The following NEGR1 variants were observed in gnomAD, a reference collection of about 807,000 sequenced individuals.
The protein encoded by NEGR1 is neuronal growth regulator 1.
Under a neutral mutation model 40.9 loss-of-function variants are expected in NEGR1, and 10 were observed. The ratio of observed to expected loss-of-function variants is 0.24; its 90% CI spans 0.15 to 0.42. The LOEUF (loss-of-function observed/expected upper bound fraction) is 0.42. Ranked by LOEUF, NEGR1 falls within the 10% of genes least tolerant of loss-of-function variation. The pLI is 1.00. For synonymous variants in NEGR1, 185 were observed against 166.8 expected (o/e 1.11, Z -0.84); for missense variants, 352 against 438.9 (o/e 0.80, Z 1.77).
At chr1:71,775,664 T>C (rs1263107864) in intron 3 of NEGR1, among the ~76,000 whole-genome samples, 1 of 150,786 alleles carries the variant, frequency 6.6e-6, no homozygotes, top group Non-Finnish European at 1.5e-5. Context: ...TTTTATGAAC[T>C]GCAATGCCTT....
chr1:72,123,310 T>C (rs886405966), intron 1 of NEGR1, among the ~76,000 whole-genome samples: 1 of 151,872 alleles, frequency 6.6e-6, no homozygotes, highest in Admixed American at 6.6e-5. Flanking sequence ...TGACATTGTA[T>C]TAGTATAATT....
At chr1:71,851,469 A>G (rs1213947134) in intron 2 of NEGR1, among the ~76,000 whole-genome samples, 1 of 152,188 alleles carries the variant, frequency 6.6e-6, no homozygotes, top group African/African-American at 2.4e-5. Context: ...GCATAGCACA[A>G]TCGTTGTATT....
chr1:71,661,254 T>A (rs1408251644), intron 4 of NEGR1, among the ~76,000 whole-genome samples: 1 of 152,224 alleles, frequency 6.6e-6, no homozygotes, highest in African/African-American at 2.4e-5. Context: ...TTTCTAGTTC[T>A]AAATCCCTGA....
chr1:72,255,889 T>A (rs952891873), intron 1 of NEGR1, among the ~76,000 whole-genome samples: 3 of 152,164 alleles, frequency 2.0e-5, no homozygotes, highest in Non-Finnish European at 4.4e-5. Flanking sequence ...TACATGGAAA[T>A]GTAGAAAACA....
At chr1:72,240,866 A>T (rs1243171056) in intron 1 of NEGR1, among the ~76,000 whole-genome samples, 1 of 151,788 alleles carries the variant, frequency 6.6e-6, no homozygotes, top group Non-Finnish European at 1.5e-5. Context: ...ATAAATCTGT[A>T]GGTATTAATC....
At chr1:72,196,004 C>A (rs1433404453) in intron 1 of NEGR1, among the ~76,000 whole-genome samples, 1 of 151,908 alleles carries the variant, frequency 6.6e-6, no homozygotes, top group Non-Finnish European at 1.5e-5. Flanking sequence ...CTTCTTTTTT[C>A]TTCCTTTGAA....
At chr1:71,912,321 T>C (rs1661440811) in intron 2 of NEGR1, among the ~76,000 whole-genome samples, 1 of 152,186 alleles carries the variant, frequency 6.6e-6, no homozygotes. Context: ...CCACATCTCA[T>C]AACTCTGATC....
chr1:71,849,790 T>C (rs1659542140), intron 2 of NEGR1, among the ~76,000 whole-genome samples: 1 of 152,304 alleles, frequency 6.6e-6, no homozygotes. Context: ...GGTTACAACC[T>C]GATGAAGGCT....
At chr1:71,553,205 T>G (rs1648142859) in intron 6 of NEGR1, among the ~76,000 whole-genome samples, 1 of 151,606 alleles carries the variant, frequency 6.6e-6, no homozygotes, top group African/African-American at 2.4e-5. Context: ...CAAAATATCT[T>G]AACTTTTGAT....
chr1:71,698,072 A>G lies in NEGR1; in HGVS notation c.603T>C (p.Tyr201=). 1 of 1,611,414 alleles carries G rather than the reference A, an allele frequency of 6.2e-7. No homozygotes were observed. The highest frequency in any genetic ancestry group is 8.5e-7 in the Non-Finnish European group (1 of 1,178,098). The change falls in exon 4 of 7, where the codon TAT becomes TAC. Residue 201 remains tyrosine (Y), a synonymous_variant. Transcript: ENST00000357731. ...ACACATCATTTTCCGCACTGCATTC[A>G]TATTCCCCAGCCTGGTCCCTTGTAA... ...YGITRDQAGE[Y]ECSAENDVSF...
At chr1:71,446,688 A>T (rs900938740) in intron 6 of NEGR1, among the ~76,000 whole-genome samples, 5 of 152,256 alleles carry the variant, frequency 3.3e-5, no homozygotes, top group African/African-American at 1.2e-4. Context: ...CTTCTTTCCG[A>T]TGTACATTTT....
chr1:71,521,117 C>G (rs1462585476), intron 6 of NEGR1, among the ~76,000 whole-genome samples: 1 of 152,002 alleles, frequency 6.6e-6, no homozygotes. Context: ...TTCCCAGAGA[C>G]TCTTACTTGG....
chr1:72,148,946 C>A (rs1485778942), intron 1 of NEGR1, among the ~76,000 whole-genome samples: 1 of 152,186 alleles, frequency 6.6e-6, no homozygotes, highest in Admixed American at 6.6e-5. Context: ...CCAGCCTCTG[C>A]CTGTTATCCA....
At chr1:71,848,958 CG>C (rs1337606416) in intron 2 of NEGR1, among the ~76,000 whole-genome samples, 1 of 151,960 alleles carries the variant, frequency 6.6e-6, no homozygotes, top group African/African-American at 2.4e-5. Context: ...GGTGTGGGGG[CG>C]CACGCCTATA....
intron 6 of NEGR1, among the ~76,000 whole-genome samples, chr1:71,567,835 GT>G (rs35770023): frequency 1.1e-3 from 164 of 148,694 alleles, no homozygotes; most frequent in African/African-American, 3.2e-3. Flanking sequence ...ATGAGATTTT[GT>G]TTTTTTTTTT....
chr1:71,992,900 C>T (rs1646467976), intron 1 of NEGR1, among the ~76,000 whole-genome samples: 1 of 152,108 alleles, frequency 6.6e-6, no homozygotes, highest in Admixed American at 6.5e-5. Flanking sequence ...AAGAATTAAC[C>T]TTGATAGACG....
chr1:71,868,590 C>T (rs1282435377), intron 2 of NEGR1, among the ~76,000 whole-genome samples: 4 of 151,972 alleles, frequency 2.6e-5, no homozygotes, highest in Non-Finnish European at 5.9e-5. Flanking sequence ...AAAAAAGGGC[C>T]CCTGAAGTTT....
chr1:72,140,852 T>C (rs1202525101), intron 1 of NEGR1, among the ~76,000 whole-genome samples: 1 of 151,988 alleles, frequency 6.6e-6, no homozygotes, highest in Non-Finnish European at 1.5e-5. Flanking sequence ...TATTTACTCA[T>C]TCACTCATTC....
At chr1:72,017,436 T>G (rs1364128704) in intron 1 of NEGR1, among the ~76,000 whole-genome samples, 1 of 152,086 alleles carries the variant, frequency 6.6e-6, no homozygotes, top group Non-Finnish European at 1.5e-5. Context: ...TATTCTAACC[T>G]TAGAACTTGG....
Sources: allele counts gnomAD v4.1 joint callset (sites outside exome capture counted in the v4.1 genomes callset), GRCh38; gene constraint gnomAD v4.1.1; transcripts MANE v1.5; gene names NCBI Gene and HGNC (gene_info 2026-07-23, HGNC 2026-07-21).